ZEB1: variants seen among roughly 807,000 people sequenced by gnomAD.
ZEB1 encodes the protein zinc finger E-box binding homeobox 1.
ZEB1 carries 21 observed loss-of-function variants against 84.9 expected under a neutral mutation model. The observed-to-expected ratio is 0.25, with a 90% CI of 0.18 to 0.36. ZEB1 has a LOEUF of 0.36. Among genes scored for constraint, ZEB1 ranks in the 10% least tolerant of loss-of-function variants. The pLI is 1.00. For missense variants in ZEB1, 1,104 were observed against 1,330.2 expected (o/e 0.83, Z 2.65); for synonymous variants, 420 against 471.1 (o/e 0.89, Z 1.41).
chr10:31,323,964 CGTGTGTGTGT>C (rs3057772), intron 1 of ZEB1, among the ~76,000 whole-genome samples: 118 of 146,400 alleles, frequency 8.1e-4, no homozygotes, highest in African/African-American at 2.2e-3. Context: ...CATGGTTCTT[CGTGTGTGTGT>C]GTGTGTGTGT....
At chr10:31,384,677 G>T (rs2048311845) in intron 1 of ZEB1, among the ~76,000 whole-genome samples, 1 of 152,218 alleles carries the variant, frequency 6.6e-6, no homozygotes, top group Non-Finnish European at 1.5e-5. Context: ...CAGGTGAAAT[G>T]AAAAATTCAG....
In ZEB1 at chr10:31,460,922, A is replaced by C. The variant is rs763544982; in HGVS notation, c.59-115A>C. 4.5e-6 allele frequency: 4 copies of C among 883,556 alleles called. No homozygotes were observed. The African/African-American group carries it at 5.0e-5, about 11-fold the overall frequency. 54.7% of individuals were successfully genotyped at this position (883,556 alleles called of 1,614,324 possible). A position where few individuals can be genotyped will look rare whatever the true frequency, so the allele number is the denominator to read the frequency against. ...AATAAATTAGTTGTTAACATTATTT[A>C]AAAGAAAACATTGAATTACAATCTG... On this transcript the variant is annotated intron_variant, in intron 1 of 8. Coordinates refer to ENST00000424869, the MANE Select transcript of ZEB1 (RefSeq NM_001174096.2).
intron 1 of ZEB1, among the ~76,000 whole-genome samples, chr10:31,409,514 GA>G (rs1222049647): frequency 6.7e-6 from 1 of 150,226 alleles, no homozygotes; most frequent in Non-Finnish European, 1.5e-5. Flanking sequence ...GGTTCCGTAT[GA>G]AGTTTAAAGT....
At chr10:31,374,273 A>G (rs1440048609) in intron 1 of ZEB1, among the ~76,000 whole-genome samples, 1 of 151,870 alleles carries the variant, frequency 6.6e-6, no homozygotes. Flanking sequence ...CCATGTTCTT[A>G]GCTGTTTTCT....
intron 8 of ZEB1, among the ~76,000 whole-genome samples, chr10:31,525,323 T>G (rs2073219064): frequency 6.6e-6 from 1 of 152,192 alleles, no homozygotes; most frequent in African/African-American, 2.4e-5. Flanking sequence ...CTTCCATCAG[T>G]GAAGTACTGA....
chr10:31,370,351 C>T (rs887795321), intron 1 of ZEB1, among the ~76,000 whole-genome samples: 2 of 152,262 alleles, frequency 1.3e-5, no homozygotes, highest in African/African-American at 4.8e-5. Flanking sequence ...TGGTTCACGC[C>T]TGTAATCCCA....
chr10:31,501,226 A>G (rs1035717003), intron 3 of ZEB1, among the ~76,000 whole-genome samples: 1 of 152,224 alleles, frequency 6.6e-6, no homozygotes, highest in East Asian at 1.9e-4. Flanking sequence ...AGCCATACTA[A>G]GGCATTGCAG....
chr10:31,409,385 C>A (rs1024521279), intron 1 of ZEB1, among the ~76,000 whole-genome samples: 1 of 152,166 alleles, frequency 6.6e-6, no homozygotes, highest in Non-Finnish European at 1.5e-5. Flanking sequence ...TGTTTTGATA[C>A]CAGTACCATG....
intron 3 of ZEB1, among the ~76,000 whole-genome samples, chr10:31,499,850 A>G (rs2067856933): frequency 6.6e-6 from 1 of 152,136 alleles, no homozygotes; most frequent in African/African-American, 2.4e-5. Flanking sequence ...TAGTAAAGTC[A>G]AGATTAAGAT....
intron 1 of ZEB1, chr10:31,321,673 A>G: frequency 8.3e-7 from 1 of 1,211,482 alleles, no homozygotes; most frequent in Non-Finnish European, 1.2e-6. Flanking sequence ...GCTGCTGTAA[A>G]CATGTTTACC....
intron 1 of ZEB1, among the ~76,000 whole-genome samples, chr10:31,390,721 T>C (rs962217170): frequency 3.9e-5 from 6 of 152,174 alleles, no homozygotes; most frequent in Non-Finnish European, 8.8e-5. Flanking sequence ...ACAAGGCTAC[T>C]GAATGCAGGG....
chr10:31,469,378 G>A (rs2062870540), intron 2 of ZEB1, among the ~76,000 whole-genome samples: 2 of 152,172 alleles, frequency 1.3e-5, no homozygotes, highest in South Asian at 4.1e-4. Flanking sequence ...GCCGAAGCAG[G>A]GTGAGGCATT....
chr10:31,470,955 GC>G (rs2063160106), intron 2 of ZEB1, among the ~76,000 whole-genome samples: 1 of 135,452 alleles, frequency 7.4e-6, no homozygotes, highest in Non-Finnish European at 1.6e-5. Flanking sequence ...TTCATATCCA[GC>G]CAAACTAAGC....
intron 1 of ZEB1, among the ~76,000 whole-genome samples, chr10:31,407,217 G>A (rs2053269057): frequency 6.7e-6 from 1 of 149,574 alleles, no homozygotes; most frequent in South Asian, 2.2e-4. Flanking sequence ...CTAGCATTAG[G>A]TATATCTCCC....
intron 1 of ZEB1, among the ~76,000 whole-genome samples, chr10:31,394,983 G>T (rs2050430767): frequency 6.6e-6 from 1 of 152,192 alleles, no homozygotes; most frequent in Non-Finnish European, 1.5e-5. Context: ...CCTGACTTGG[G>T]CAGGGGTTAA....
At chr10:31,505,007 G>A (rs886376347) in intron 4 of ZEB1, among the ~76,000 whole-genome samples, 2 of 151,988 alleles carry the variant, frequency 1.3e-5, no homozygotes, top group Non-Finnish European at 2.9e-5. Flanking sequence ...TGAAGGAGTG[G>A]AAATCCTTTT....
At chr10:31,400,522 AT>A (rs201856629) in intron 1 of ZEB1, among the ~76,000 whole-genome samples, 2,298 of 152,250 alleles carry the variant, frequency 0.015, 43 homozygotes, top group African/African-American at 0.052. Context: ...CTAAAAAAAA[AT>A]ATTATTTGAA....
chr10:31,495,072 A>G (rs962966409), intron 2 of ZEB1, among the ~76,000 whole-genome samples: 4 of 152,056 alleles, frequency 2.6e-5, no homozygotes, highest in African/African-American at 9.7e-5. Context: ...TAAATGAGCA[A>G]GAGTGTGATG....
At chr10:31,519,427 C>T (rs1293059504) in intron 6 of ZEB1, among the ~76,000 whole-genome samples, 1 of 152,108 alleles carries the variant, frequency 6.6e-6, no homozygotes, top group Non-Finnish European at 1.5e-5. Flanking sequence ...CTTTTCCTAG[C>T]AAGTCACACA....
Sources: gnomAD v4.1 joint callset for allele counts (sites outside exome capture counted in the v4.1 genomes callset) on GRCh38, gnomAD v4.1.1 for gene constraint, MANE v1.5 for transcripts, NCBI Gene and HGNC (gene_info 2026-07-23, HGNC 2026-07-21) for gene names.